The following USH2A variants were observed in gnomAD, a reference collection of about 807,000 sequenced individuals.
USH2A encodes the protein Usher syndrome 2A (autosomal recessive, mild).
A neutral mutation model predicts 538.9 loss-of-function variants in USH2A; 443 were observed. The ratio of observed to expected loss-of-function variants is 0.82; its 90% CI spans 0.76 to 0.89. USH2A has a LOEUF of 0.89. Ranked by LOEUF, USH2A falls within the 40% of genes least tolerant of loss-of-function variation. USH2A has a pLI of 0.00. For synonymous variants in USH2A, 2,413 were observed against 2,273.5 expected (o/e 1.06, Z -1.75); for missense variants, 6,633 against 6,324.8 (o/e 1.05, Z -1.65).
rs558696103 is a variant in USH2A at position 215,866,949 on chromosome 1, A to C, written c.8845+58T>G. 3 of 1,611,686 alleles carry C rather than the reference A, an allele frequency of 1.9e-6. No individual in the cohort carries two copies. In the South Asian group the frequency reaches 3.3e-5, roughly 18 times the overall value. ...ACATGGGGGAGGTTCATAGTAAAGAAAGAATATGCTTTTAAAAATACACAA... is the reference window on the plus strand; with the variant it reads ...ACATGGGGGAGGTTCATAGTAAAGACAGAATATGCTTTTAAAAATACACAA... On this transcript the variant is annotated intron_variant, in intron 44 of 71. Coordinates refer to ENST00000307340, the MANE Select transcript of USH2A (RefSeq NM_206933.4).
Position 215,978,535 on chromosome 1 carries a change from GAAGT to G in USH2A, c.6806-7763_6806-7760del, listed in dbSNP as rs778798559. Among the ~76,000 whole-genome samples the G allele has an allele frequency of 7.9e-5, 12 of 152,224 alleles. No individual in the cohort carries two copies. In the East Asian group the frequency reaches 2.3e-3, roughly 29 times the overall value. On this transcript the variant is annotated intron_variant, in intron 35 of 71. Coordinates refer to ENST00000307340, the MANE Select transcript of USH2A (RefSeq NM_206933.4). ...CAAAGTACTATACTTGGTATTTTGG[GAAGT>G]AAGAACAGAATAAGAATAATATCTA...
At chr1:216,025,592 G>A (rs938175340) in intron 32 of USH2A, among the ~76,000 whole-genome samples, 1 of 152,018 alleles carries the variant, frequency 6.6e-6, no homozygotes, top group African/African-American at 2.4e-5. Context: ...CAATTTTTAT[G>A]AAATGTTTTT....
At chr1:215,995,473 GA>G (rs1668113531) in intron 34 of USH2A, among the ~76,000 whole-genome samples, 1 of 152,160 alleles carries the variant, frequency 6.6e-6, no homozygotes, top group Non-Finnish European at 1.5e-5. Flanking sequence ...TAGTTCCTTT[GA>G]TGGGAAAATA....
intron 21 of USH2A, among the ~76,000 whole-genome samples, chr1:216,151,443 A>G (rs989635091): frequency 1.3e-5 from 2 of 152,114 alleles, no homozygotes; most frequent in African/African-American, 4.8e-5. Flanking sequence ...TGACACCGAC[A>G]TGACAAAAAA....
At chr1:215,957,339 C>G (rs1331584597) in intron 37 of USH2A, among the ~76,000 whole-genome samples, 2 of 152,142 alleles carry the variant, frequency 1.3e-5, no homozygotes, top group Non-Finnish European at 2.9e-5. Flanking sequence ...ACTAAAAGAA[C>G]TCCTTATCAT....
intron 3 of USH2A, among the ~76,000 whole-genome samples, chr1:216,414,343 A>T (rs2039541736): frequency 1.3e-5 from 2 of 152,096 alleles, no homozygotes; most frequent in South Asian, 4.1e-4. Context: ...ATCATTTTCC[A>T]ACAGATTGAC....
chr1:216,278,027 G>C (rs941288374), intron 11 of USH2A, among the ~76,000 whole-genome samples: 1 of 152,036 alleles, frequency 6.6e-6, no homozygotes, highest in African/African-American at 2.4e-5. Flanking sequence ...TAACTACATT[G>C]CTATTGGTAG....
chr1:216,009,997 C>A (rs1668518263), intron 32 of USH2A, among the ~76,000 whole-genome samples: 2 of 152,084 alleles, frequency 1.3e-5, no homozygotes, highest in African/African-American at 4.8e-5. Context: ...AGCCCTAGAC[C>A]CTAAAAAGTC....
chr1:215,684,533 G>A (rs1658345530), intron 61 of USH2A, among the ~76,000 whole-genome samples: 1 of 152,114 alleles, frequency 6.6e-6, no homozygotes. Flanking sequence ...TTTCCCTCTG[G>A]TCTTTGGGGT....
At chr1:215,987,646 T>C (rs1369514444) in intron 35 of USH2A, among the ~76,000 whole-genome samples, 2 of 152,164 alleles carry the variant, frequency 1.3e-5, no homozygotes, top group African/African-American at 4.8e-5. Flanking sequence ...TTAAAGACTG[T>C]ACTTGGCAGA....
At chr1:216,040,017 C>A (rs1426194399) in intron 32 of USH2A, among the ~76,000 whole-genome samples, 1 of 150,682 alleles carries the variant, frequency 6.6e-6, no homozygotes, top group Non-Finnish European at 1.5e-5. Flanking sequence ...ATCTGCCTTT[C>A]TACCCTCTCT....
rs923214472 is a variant in USH2A, at chr1:216,393,500, G to T, written c.651+25014C>A. Among the ~76,000 whole-genome samples the T allele has an allele frequency of 2.8e-4, 42 of 152,066 alleles. 1 individual carries two copies. Among genetic ancestry groups the T allele is most frequent in the African/African-American group, 1.0e-3 (42 of 41,468 alleles). On this transcript the variant is annotated intron_variant, in intron 3 of 71. Coordinates refer to ENST00000307340, the MANE Select transcript of USH2A (RefSeq NM_206933.4). ...TTGTTCCAGGTGATTTAGATCACTGGTTATTTCCATGTGGCTTTTTATTAT... is the reference window on the plus strand; with the variant it reads ...TTGTTCCAGGTGATTTAGATCACTGTTTATTTCCATGTGGCTTTTTATTAT...
chr1:216,212,054 G>C (rs2035252953), intron 15 of USH2A, among the ~76,000 whole-genome samples: 1 of 152,078 alleles, frequency 6.6e-6, no homozygotes, highest in Admixed American at 6.6e-5. Context: ...CTGACCTTCA[G>C]ATGATTTTCT....
At chr1:216,099,571 CTT>C (rs2032527594) in intron 21 of USH2A, among the ~76,000 whole-genome samples, 1 of 152,126 alleles carries the variant, frequency 6.6e-6, no homozygotes, top group Non-Finnish European at 1.5e-5. Flanking sequence ...GGAGACGTAA[CTT>C]AGCTACACAG....
At chr1:216,220,887 T>G (rs1434143874) in intron 14 of USH2A, among the ~76,000 whole-genome samples, 2 of 152,082 alleles carry the variant, frequency 1.3e-5, no homozygotes, top group East Asian at 3.9e-4. Context: ...AAGACATCAT[T>G]CAACATAAAG....
chr1:216,281,837 A>ACATCCT (rs2036784657), intron 11 of USH2A, among the ~76,000 whole-genome samples: 1 of 148,844 alleles, frequency 6.7e-6, no homozygotes, highest in Non-Finnish European at 1.5e-5. Context: ...CAATTTCTCC[A>ACATCCT]CATCCTCACC....
Position 216,418,782 on chromosome 1 carries a change from G to C in USH2A, c.486-103C>G, listed in dbSNP as rs140955670. The C allele has an allele frequency of 5.6e-6, 7 of 1,255,708 alleles. No homozygotes were observed. The African/African-American group carries it at 7.4e-5, about 13-fold the overall frequency. 77.8% of individuals were successfully genotyped at this position (1,255,708 alleles called of 1,614,324 possible). A position where few individuals can be genotyped will look rare whatever the true frequency, so the allele number is the denominator to read the frequency against. On this transcript the variant is annotated intron_variant, in intron 2 of 71. Coordinates refer to ENST00000307340, the MANE Select transcript of USH2A (RefSeq NM_206933.4). Reference sequence around the variant, plus strand: ...TGGTGTTAAAATGACCTCAAACTTTGCTCAAAATGGTGTACTATGAATAAG... The same window carrying C: ...TGGTGTTAAAATGACCTCAAACTTTCCTCAAAATGGTGTACTATGAATAAG...
At chr1:215,848,882 A>G (rs896819966) in intron 44 of USH2A, among the ~76,000 whole-genome samples, 4 of 152,216 alleles carry the variant, frequency 2.6e-5, no homozygotes, top group Non-Finnish European at 5.9e-5. Context: ...TCATTGCTCA[A>G]ATAAGGTCTT....
rs200153285 is a variant in USH2A, at chr1:216,262,390, CAG to C, written c.1972-11294_1972-11293del. 4.0e-5 allele frequency among the ~76,000 whole-genome samples: 6 copies of C among 151,884 alleles called. No individual in the cohort carries two copies. In the East Asian group the frequency reaches 9.7e-4, roughly 25 times the overall value. ...ATTGGTATCATAAAAATGAACCAAA[CAG>C]AAATATTGGAGCTGAGCAATTTAGT... On this transcript the variant is annotated intron_variant, in intron 11 of 71. Coordinates refer to ENST00000307340, the MANE Select transcript of USH2A (RefSeq NM_206933.4).
Sources: gnomAD v4.1 joint callset for allele counts (sites outside exome capture counted in the v4.1 genomes callset) on GRCh38, gnomAD v4.1.1 for gene constraint, MANE v1.5 for transcripts, NCBI Gene and HGNC (gene_info 2026-07-23, HGNC 2026-07-21) for gene names.